SPAG17: variants seen among roughly 807,000 people sequenced by gnomAD.
The protein encoded by SPAG17 is sperm associated antigen 17, also known as sperm-associated antigen 17.
SPAG17 carries 169 observed loss-of-function variants against 273.6 expected under a neutral mutation model. The ratio of observed to expected loss-of-function variants is 0.62; its 90% CI spans 0.55 to 0.70. The LOEUF (loss-of-function observed/expected upper bound fraction) is 0.70, where lower values mean the gene tolerates loss of function less well. SPAG17 is among the 30% of genes least tolerant of loss of function. The probability of loss-of-function intolerance (pLI) is 0.00; values close to 1 mark genes in which losing one functional copy is unlikely to be tolerated. For synonymous variants in SPAG17, 825 were observed against 873.2 expected (o/e 0.94, Z 0.97); for missense variants, 2,557 against 2,627.8 (o/e 0.97, Z 0.59).
At chr1:118,152,876 T>C (rs1443762756) in intron 1 of SPAG17, among the ~76,000 whole-genome samples, 2 of 152,214 alleles carry the variant, frequency 1.3e-5, no homozygotes, top group African/African-American at 2.4e-5. Flanking sequence ...GCTGCAACTG[T>C]AGTCATCATT....
At chr1:118,025,203 C>G (rs758181731) in intron 27 of SPAG17, 35 bp downstream of exon 27, 1 of 1,604,622 alleles carries the variant, frequency 6.2e-7, no homozygotes, top group Non-Finnish European at 8.5e-7. Flanking sequence ...TACTTTGGAA[C>G]AGGGAAGAAT....
At chr1:118,009,215 G>A (rs892751285) in intron 30 of SPAG17, among the ~76,000 whole-genome samples, 5 of 149,036 alleles carry the variant, frequency 3.4e-5, no homozygotes, top group African/African-American at 7.5e-5. Context: ...GTATAATGAC[G>A]ATTTTCCAAG....
intron 3 of SPAG17, among the ~76,000 whole-genome samples, chr1:118,132,359 T>G (rs1306966313): frequency 4.5e-4 from 69 of 152,068 alleles, no homozygotes; most frequent in Non-Finnish European, 1.9e-4. Flanking sequence ...TTCAGGAAAC[T>G]GGAAAGTGGC....
At chr1:118,005,229 G>C (rs1225722332) in intron 32 of SPAG17, among the ~76,000 whole-genome samples, 185 bp downstream of exon 32, 2 of 152,120 alleles carry the variant, frequency 1.3e-5, no homozygotes, top group Non-Finnish European at 2.9e-5. Context: ...CATTCTCCAT[G>C]AAAGTACACT....
intron 20 of SPAG17, among the ~76,000 whole-genome samples, chr1:118,043,410 C>A (rs1393442545): frequency 1.3e-5 from 2 of 152,086 alleles, no homozygotes; most frequent in African/African-American, 2.4e-5. Flanking sequence ...TTAAACATGA[C>A]CATCATCTAA....
At chr1:118,047,603 C>T (rs1406899513) in intron 20 of SPAG17, among the ~76,000 whole-genome samples, 2 of 152,168 alleles carry the variant, frequency 1.3e-5, no homozygotes, top group African/African-American at 4.8e-5. Flanking sequence ...AGATCCCAGA[C>T]TTCAGTCTGG....
chr1:118,174,280 A>C (rs1173311569), intron 1 of SPAG17, among the ~76,000 whole-genome samples: 1 of 152,192 alleles, frequency 6.6e-6, no homozygotes, highest in African/African-American at 2.4e-5. Context: ...AAAAGAAATT[A>C]TTAAAAGGGA....
At chr1:118,039,215 C>T (rs765127161) in intron 23 of SPAG17, 77 bp downstream of exon 23, 150 of 1,417,254 alleles carry the variant, frequency 1.1e-4, no homozygotes, top group Non-Finnish European at 1.2e-4. Flanking sequence ...ATGCAATAAG[C>T]CATTCATTTA....
In SPAG17 at chr1:117,987,872, T is replaced by C; in HGVS notation, c.5631A>G (p.Ala1877=). The change falls in exon 40 of 49, where the codon GCA becomes GCG. Residue 1877 remains alanine, a synonymous_variant. Coordinates refer to ENST00000336338, the MANE Select transcript of SPAG17 (RefSeq NM_206996.4). ...DFFEKTWRHT[A]SSKRWKEKID... ...TCTTTTCTTTCCAGCGTTTTGAGGATGCTGTGTGTCTATGTGAAAGGAAAG... is the reference window on the plus strand; with the variant it reads ...TCTTTTCTTTCCAGCGTTTTGAGGACGCTGTGTGTCTATGTGAAAGGAAAG... The C allele has an allele frequency of 1.2e-6, 2 of 1,611,738 alleles. No individual in the cohort carries two copies. Among genetic ancestry groups the C allele is most frequent in the Non-Finnish European group, 1.7e-6 (2 of 1,178,030 alleles).
chr1:118,122,501 AC>A (rs1657480857), intron 3 of SPAG17, among the ~76,000 whole-genome samples: 1 of 152,206 alleles, frequency 6.6e-6, no homozygotes, highest in Non-Finnish European at 1.5e-5. Context: ...TTTAACATCT[AC>A]AATGGTGGCA....
At chr1:118,158,300 A>G (rs1659752232) in intron 1 of SPAG17, among the ~76,000 whole-genome samples, 1 of 152,214 alleles carries the variant, frequency 6.6e-6, no homozygotes, top group Non-Finnish European at 1.5e-5. Context: ...CCAATTATCA[A>G]TTAGAGTCAA....
chr1:118,069,216 G>A (rs1230610220), intron 17 of SPAG17, among the ~76,000 whole-genome samples: 1 of 151,860 alleles, frequency 6.6e-6, no homozygotes, highest in African/African-American at 2.4e-5. Flanking sequence ...ATGGTGGCAC[G>A]TGCCTATAGT....
intron 20 of SPAG17, among the ~76,000 whole-genome samples, chr1:118,051,160 C>T (rs1004823608): frequency 6.6e-6 from 1 of 152,028 alleles, no homozygotes; most frequent in Non-Finnish European, 1.5e-5. Context: ...CATAACTAAT[C>T]AGCAGGGAAA....
At position 118,073,887 on chromosome 1, in the gene SPAG17, A is replaced by G; in HGVS notation, c.2352T>C (p.Phe784=). Reference sequence around the variant, plus strand: ...GTACTTTCGGTTTAAAATGTTCAGTAAAACTCCAGTCCATTAGACTGCGCT... The same window carrying G: ...GTACTTTCGGTTTAAAATGTTCAGTGAAACTCCAGTCCATTAGACTGCGCT... ...TQQRSLMDWS[F]TEHFKPKVLL... is the part of the protein sequence containing the mutation. The change falls in exon 17 of 49, where the codon TTT becomes TTC. Residue 784 remains phenylalanine (F), a synonymous_variant. Coordinates refer to ENST00000336338, the MANE Select transcript of SPAG17 (RefSeq NM_206996.4). The G allele has an allele frequency of 6.3e-7, 1 of 1,580,770 alleles. No homozygotes were observed. Among genetic ancestry groups the G allele is most frequent in the Non-Finnish European group, 8.6e-7 (1 of 1,169,066 alleles).
chr1:117,977,275 T>G (rs1655245249), intron 43 of SPAG17, among the ~76,000 whole-genome samples: 1 of 152,110 alleles, frequency 6.6e-6, no homozygotes, highest in African/African-American at 2.4e-5. Flanking sequence ...GAGTCAAGAT[T>G]GTGCCACTGC....
intron 29 of SPAG17, among the ~76,000 whole-genome samples, chr1:118,014,835 C>G (rs927027375): frequency 6.6e-6 from 1 of 152,190 alleles, no homozygotes; most frequent in Non-Finnish European, 1.5e-5. Context: ...TTTTTGGTCA[C>G]AAACAACTGG....
intron 1 of SPAG17, among the ~76,000 whole-genome samples, chr1:118,184,471 T>G (rs1661087764): frequency 6.6e-6 from 1 of 152,136 alleles, no homozygotes; most frequent in Non-Finnish European, 1.5e-5. Context: ...TTTGTGGCAT[T>G]CTGTGGGTAA....
At chr1:118,162,934 TAAAC>T (rs781137308) in intron 1 of SPAG17, among the ~76,000 whole-genome samples, 13 of 152,104 alleles carry the variant, frequency 8.5e-5, no homozygotes, top group Non-Finnish European at 1.6e-4. Flanking sequence ...AATCATACAA[TAAAC>T]AATACTATAT....
At chr1:118,146,892 G>C (rs549839619) in intron 3 of SPAG17, among the ~76,000 whole-genome samples, 9 of 152,112 alleles carry the variant, frequency 5.9e-5, no homozygotes, top group Admixed American at 5.9e-4. Context: ...ATATGTAAAA[G>C]ATCAAAACTA....
Sources: gnomAD v4.1 joint callset for allele counts (sites outside exome capture counted in the v4.1 genomes callset) on GRCh38, gnomAD v4.1.1 for gene constraint, MANE v1.5 for transcripts, NCBI Gene and HGNC (gene_info 2026-07-23, HGNC 2026-07-21) for gene names.